CCSER1: variants seen among roughly 807,000 people sequenced by gnomAD.
CCSER1 encodes the protein coiled-coil serine rich protein 1.
CCSER1 carries 41 observed loss-of-function variants against 82.0 expected under a neutral mutation model. The ratio of observed to expected loss-of-function variants is 0.50; its 90% CI spans 0.39 to 0.65. The LOEUF is 0.65. CCSER1 is among the 30% of genes least tolerant of loss of function. The pLI is 0.00. For synonymous variants in CCSER1, 414 were observed against 383.9 expected (o/e 1.08, Z -0.92); for missense variants, 1,119 against 1,064.2 (o/e 1.05, Z -0.72).
intron 10 of CCSER1, among the ~76,000 whole-genome samples, chr4:91,367,342 A>AT (rs1242713865): frequency 6.7e-6 from 1 of 149,414 alleles, no homozygotes; most frequent in Non-Finnish European, 1.5e-5. Context: ...AAAAAAAGTT[A>AT]AAATATTAAA....
Position 90,130,645 on chromosome 4 carries a change from A to G in CCSER1, c.-42+2814A>G, listed in dbSNP as rs111398368. ...TTCTTTTTTTTTGTTTGTTTCTGAG[A>G]TGGATTTTTGCTCTGTCACCCAGGC... On this transcript the variant is annotated intron_variant, in intron 1 of 10. Coordinates refer to ENST00000509176, the MANE Select transcript of CCSER1 (RefSeq NM_001145065.2). 2.2e-3 allele frequency among the ~76,000 whole-genome samples: 336 copies of G among 151,796 alleles called. 2 individuals carry two copies. The highest frequency in any genetic ancestry group is 7.9e-3 in the African/African-American group (326 of 41,332).
intron 10 of CCSER1, among the ~76,000 whole-genome samples, chr4:91,153,075 A>C (rs1730410941): frequency 1.3e-5 from 2 of 152,076 alleles, no homozygotes; most frequent in South Asian, 4.2e-4. Flanking sequence ...AATTTGGGGA[A>C]GTTCTCCTGG....
chr4:90,794,851 T>C (rs1001171857), intron 7 of CCSER1, among the ~76,000 whole-genome samples: 1 of 152,164 alleles, frequency 6.6e-6, no homozygotes, highest in East Asian at 1.9e-4. Flanking sequence ...CTTCGAGAAG[T>C]GTTTTGTAGT....
intron 5 of CCSER1, among the ~76,000 whole-genome samples, chr4:90,487,338 T>C (rs1025858631): frequency 6.6e-6 from 1 of 152,248 alleles, no homozygotes; most frequent in African/African-American, 2.4e-5. Context: ...ACTTAGATCA[T>C]GCACAGAAGG....
chr4:91,546,599 T>TC (rs1288332170), intron 10 of CCSER1, among the ~76,000 whole-genome samples: 1 of 152,112 alleles, frequency 6.6e-6, no homozygotes, highest in African/African-American at 2.4e-5. Flanking sequence ...CTCTTCTATT[T>TC]CTAATTTTGG....
chr4:90,913,183 T>C (rs1726708290), intron 8 of CCSER1, among the ~76,000 whole-genome samples: 1 of 151,998 alleles, frequency 6.6e-6, no homozygotes, highest in South Asian at 2.1e-4. Context: ...AGACACGTAG[T>C]TGTCAGAACC....
intron 7 of CCSER1, chr4:90,780,729 C>G (rs1268233320): frequency 7.8e-7 from 1 of 1,282,412 alleles, no homozygotes; most frequent in African/African-American, 1.5e-5. Flanking sequence ...TCCAAGAATA[C>G]TCCCTTTTTA....
At chr4:91,153,790 G>T (rs989411626) in intron 10 of CCSER1, among the ~76,000 whole-genome samples, 1 of 151,964 alleles carries the variant, frequency 6.6e-6, no homozygotes, top group African/African-American at 2.4e-5. Flanking sequence ...GACCCTGTTT[G>T]CCTGGGTATC....
At chr4:91,030,811 GA>G (rs35907864) in intron 9 of CCSER1, among the ~76,000 whole-genome samples, 51,151 of 151,356 alleles carry the variant, frequency 0.34, 10,392 homozygotes, top group East Asian at 0.58. Context: ...AAAGCTGTGT[GA>G]AAAGCTGTAT....
chr4:91,064,946 G>A (rs1344765301), intron 9 of CCSER1, among the ~76,000 whole-genome samples: 2 of 151,948 alleles, frequency 1.3e-5, no homozygotes, highest in Non-Finnish European at 2.9e-5. Flanking sequence ...TCTAAACCTA[G>A]GTTTTCAATT....
intron 10 of CCSER1, among the ~76,000 whole-genome samples, chr4:91,545,328 C>T (rs1159051219): frequency 6.6e-6 from 1 of 152,068 alleles, no homozygotes; most frequent in East Asian, 1.9e-4. Flanking sequence ...GTGCTGCACC[C>T]ACTGTCCGAC....
At chr4:90,923,216 A>G (rs1371927629) in intron 8 of CCSER1, among the ~76,000 whole-genome samples, 154 bp from the exon 9 acceptor site, 1 of 152,164 alleles carries the variant, frequency 6.6e-6, no homozygotes, top group African/African-American at 2.4e-5. Flanking sequence ...AGCTCTAAAT[A>G]TTTAAGCTTA....
chr4:91,017,203 C>T (rs1235004946), intron 9 of CCSER1: 2 of 152,186 alleles, frequency 1.3e-5, no homozygotes, highest in South Asian at 4.1e-4. Flanking sequence ...AACTCTTCCC[C>T]TCCTTCTCCT....
intron 10 of CCSER1, among the ~76,000 whole-genome samples, chr4:91,541,300 A>C (rs575638964): frequency 3.0e-4 from 46 of 152,192 alleles, no homozygotes; most frequent in Admixed American, 2.0e-3. Flanking sequence ...ACATATGTAT[A>C]CATGTGCCAT....
chr4:90,747,506 G>A (rs1171826864), intron 7 of CCSER1, among the ~76,000 whole-genome samples: 1 of 152,036 alleles, frequency 6.6e-6, no homozygotes, highest in African/African-American at 2.4e-5. Flanking sequence ...GAGGTGGAGG[G>A]GAAGGGATGG....
chr4:90,769,103 A>G (rs1751694520), intron 7 of CCSER1, among the ~76,000 whole-genome samples: 2 of 152,218 alleles, frequency 1.3e-5, no homozygotes, highest in African/African-American at 2.4e-5. Flanking sequence ...GATTAAGAGC[A>G]TACCCTCTGT....
intron 1 of CCSER1, among the ~76,000 whole-genome samples, chr4:90,181,106 G>T (rs1320127475): frequency 6.6e-6 from 1 of 151,952 alleles, no homozygotes; most frequent in Non-Finnish European, 1.5e-5. Context: ...TACCTGTTTG[G>T]GTACTGTGCC....
At chr4:91,056,483 A>C (rs1338805957) in intron 9 of CCSER1, among the ~76,000 whole-genome samples, 2 of 152,160 alleles carry the variant, frequency 1.3e-5, no homozygotes, top group East Asian at 3.9e-4. Context: ...AGGGCAAAAG[A>C]AACCAAATTC....
At chr4:91,432,480 A>G (rs1400077405) in intron 10 of CCSER1, among the ~76,000 whole-genome samples, 1 of 152,192 alleles carries the variant, frequency 6.6e-6, no homozygotes, top group East Asian at 1.9e-4. Flanking sequence ...CGTTTTCTGT[A>G]TCAGGCTTAA....
Sources: gnomAD v4.1 joint callset for allele counts (sites outside exome capture counted in the v4.1 genomes callset) on GRCh38, gnomAD v4.1.1 for gene constraint, MANE v1.5 for transcripts, NCBI Gene and HGNC (gene_info 2026-07-23, HGNC 2026-07-21) for gene names.